Variants in PARD3 observed in about 807,000 individuals in gnomAD.
PARD3 encodes par-3 family cell polarity regulator.
In PARD3, 75 loss-of-function variants were observed where a neutral mutation model predicts 155.4. The observed-to-expected ratio is 0.48, with a 90% confidence interval of 0.40 to 0.58. The LOEUF (loss-of-function observed/expected upper bound fraction) is 0.58. PARD3 is among the 20% of genes least tolerant of loss of function. The pLI is 0.00. For synonymous variants in PARD3, 576 were observed against 610.5 expected (o/e 0.94, Z 0.83); for missense variants, 1,642 against 1,721.7 (o/e 0.95, Z 0.82).
At chr10:34,530,922 C>T (rs2082802603) in intron 2 of PARD3, among the ~76,000 whole-genome samples, 1 of 152,174 alleles carries the variant, frequency 6.6e-6, no homozygotes, top group Non-Finnish European at 1.5e-5. Flanking sequence ...TGGTCAATAT[C>T]AAAAGAACTT....
chr10:34,158,426 C>A (rs559407361), intron 22 of PARD3, among the ~76,000 whole-genome samples: 1 of 152,302 alleles, frequency 6.6e-6, no homozygotes, highest in African/African-American at 2.4e-5. Flanking sequence ...ATTCACGATT[C>A]TTTTCCATTT....
chr10:34,808,207 G>C (rs909629435), intron 1 of PARD3, among the ~76,000 whole-genome samples: 37 of 152,154 alleles, frequency 2.4e-4, no homozygotes, highest in Non-Finnish European at 4.1e-4. Flanking sequence ...CCAGCTACTT[G>C]GGGGACTGAG....
At chr10:34,414,829 A>T (rs1169668418) in intron 5 of PARD3, among the ~76,000 whole-genome samples, 1 of 84,934 alleles carries the variant, frequency 1.2e-5, no homozygotes, top group Non-Finnish European at 2.9e-5. Flanking sequence ...GAAAACAAAT[A>T]AAAAAAATTA....
At chr10:34,280,503 T>C (rs1014410347) in intron 21 of PARD3, among the ~76,000 whole-genome samples, 1 of 152,018 alleles carries the variant, frequency 6.6e-6, no homozygotes. Flanking sequence ...TTTAAACAAG[T>C]GAGAAAGGTG....
At chr10:34,676,211 A>T (rs2093703164) in intron 2 of PARD3, among the ~76,000 whole-genome samples, 2 of 152,196 alleles carry the variant, frequency 1.3e-5, no homozygotes, top group African/African-American at 2.4e-5. Context: ...AAGCGCACAC[A>T]AAACAATTTT....
chr10:34,270,249 T>C (rs889818384), intron 21 of PARD3, among the ~76,000 whole-genome samples: 6 of 151,808 alleles, frequency 4.0e-5, no homozygotes, highest in African/African-American at 1.2e-4. Flanking sequence ...TTCAAGTGAT[T>C]CTTGTGCCCT....
intron 22 of PARD3, among the ~76,000 whole-genome samples, chr10:34,199,271 C>T (rs1951097845): frequency 6.6e-6 from 1 of 152,192 alleles, no homozygotes; most frequent in Non-Finnish European, 1.5e-5. Flanking sequence ...TTCCTGTCTC[C>T]TTGTCAGTCA....
At chr10:34,560,271 T>G (rs1032290524) in intron 2 of PARD3, among the ~76,000 whole-genome samples, 8 of 152,058 alleles carry the variant, frequency 5.3e-5, no homozygotes, top group Admixed American at 2.0e-4. Context: ...TTTCAATAGG[T>G]TCTATACAGG....
At chr10:34,381,149 A>G (rs551627386) in intron 9 of PARD3, among the ~76,000 whole-genome samples, 1 of 152,318 alleles carries the variant, frequency 6.6e-6, no homozygotes, top group African/African-American at 2.4e-5. Flanking sequence ...GTTAGAAAGG[A>G]AACAGCAGTC....
intron 1 of PARD3, among the ~76,000 whole-genome samples, chr10:34,720,772 G>A (rs2094593790): frequency 6.6e-6 from 1 of 151,726 alleles, no homozygotes; most frequent in Admixed American, 6.6e-5. Flanking sequence ...ACTCCAGCCT[G>A]GGCAACAAGA....
chr10:34,348,623 A>G (rs1341601501), intron 14 of PARD3, among the ~76,000 whole-genome samples: 1 of 152,214 alleles, frequency 6.6e-6, no homozygotes, highest in Non-Finnish European at 1.5e-5. Flanking sequence ...AGACCTAAAG[A>G]TATCAGCTCA....
chr10:34,741,555 T>A (rs1250607851), intron 1 of PARD3, among the ~76,000 whole-genome samples: 1 of 151,728 alleles, frequency 6.6e-6, no homozygotes, highest in Non-Finnish European at 1.5e-5. Flanking sequence ...TTAGGTGGGG[T>A]TTTTAGACAC....
In PARD3 at chr10:34,709,888, T is replaced by C. The variant is rs201811796; in HGVS notation, c.121-13469A>G. ...TACTATTTGAGTTTTTCATAACAAA[T>C]TGGGAAACCAAATTAATTTTAAACA... On this transcript the variant is annotated intron_variant, in intron 1 of 24. Transcript: ENST00000374788. Among the ~76,000 whole-genome samples the C allele has an allele frequency of 3.9e-5, 6 of 152,122 alleles. No homozygotes were observed. The East Asian group carries it at 7.7e-4, about 20-fold the overall frequency.
rs192591784 is a variant in PARD3, at chr10:34,229,532, A to C, written c.3419+40125T>G. On this transcript the variant is annotated intron_variant, in intron 22 of 24. Transcript: ENST00000374788. Reference sequence around the variant, plus strand: ...CCAAAGCGCTAGGATTACAGGTGTGAGCCACATCTGGCCCCAACTCTTCTT... The same window carrying C: ...CCAAAGCGCTAGGATTACAGGTGTGCGCCACATCTGGCCCCAACTCTTCTT... Among the ~76,000 whole-genome samples, 17 of 152,178 alleles carry C rather than the reference A, an allele frequency of 1.1e-4. No individual in the cohort carries two copies. The East Asian group carries it at 3.3e-3, about 29-fold the overall frequency.
chr10:34,165,595 C>A (rs1175592598), intron 22 of PARD3, among the ~76,000 whole-genome samples: 1 of 152,216 alleles, frequency 6.6e-6, no homozygotes, highest in Non-Finnish European at 1.5e-5. Context: ...CAACACCCAA[C>A]AATTTGGCCT....
chr10:34,359,107 T>C (rs1313646067), intron 14 of PARD3, 40 bp downstream of exon 14: 5 of 1,537,122 alleles, frequency 3.3e-6, no homozygotes, highest in Non-Finnish European at 3.6e-6. Context: ...ATGTAGTTTA[T>C]TTACAATTTT....
In PARD3 at chr10:34,229,842, G is replaced by A. The variant is rs1003360077; in HGVS notation, c.3419+39815C>T. On this transcript the variant is annotated intron_variant, in intron 22 of 24. Coordinates refer to ENST00000374788, the MANE Select transcript of PARD3 (RefSeq NM_001184785.2). ...AGGAGAGAATGAGTGAAGTGCTGATGCAACAAAGAAACATGTCTTTCATTT... is the reference window on the plus strand; with the variant it reads ...AGGAGAGAATGAGTGAAGTGCTGATACAACAAAGAAACATGTCTTTCATTT... 2.0e-5 allele frequency among the ~76,000 whole-genome samples: 3 copies of A among 152,090 alleles called. No homozygotes were observed. In the South Asian group the frequency reaches 6.2e-4, roughly 32 times the overall value.
At chr10:34,356,239 G>A (rs946773681) in intron 14 of PARD3, among the ~76,000 whole-genome samples, 2 of 152,244 alleles carry the variant, frequency 1.3e-5, no homozygotes, top group African/African-American at 2.4e-5. Context: ...AGTGAAGGGA[G>A]CTGACAAATA....
intron 21 of PARD3, among the ~76,000 whole-genome samples, chr10:34,276,732 C>T (rs1196539734): frequency 6.6e-6 from 1 of 152,106 alleles, no homozygotes; most frequent in East Asian, 1.9e-4. Context: ...ATACTAAATA[C>T]TTTCATTTCC....
Sources: allele counts gnomAD v4.1 joint callset (sites outside exome capture counted in the v4.1 genomes callset), GRCh38; gene constraint gnomAD v4.1.1; transcripts MANE v1.5; gene names NCBI Gene and HGNC (gene_info 2026-07-23, HGNC 2026-07-21).